Variants in INPP5A observed in about 807,000 individuals in gnomAD.
INPP5A encodes the protein 43 kDa inositol polyphosphate 5-phophatase.
Under a neutral mutation model 65.2 loss-of-function variants are expected in INPP5A, and 14 were observed. The ratio of observed to expected loss-of-function variants is 0.21; its 90% CI spans 0.14 to 0.34. The LOEUF is 0.34. INPP5A is among the 10% of genes least tolerant of loss of function. The pLI is 1.00. For synonymous variants in INPP5A, 207 were observed against 208.3 expected, an observed-to-expected ratio of 0.99 and a Z score of 0.05; for missense variants, 431 against 545.6, an observed-to-expected ratio of 0.79 and a Z score of 2.09.
chr10:132,553,793 G>A (rs373405920), intron 1 of INPP5A, among the ~76,000 whole-genome samples: 19 of 139,034 alleles, frequency 1.4e-4, no homozygotes, highest in Admixed American at 7.2e-4. Flanking sequence ...ATTGGTGAAC[G>A]CCTTCTCAGA....
intron 4 of INPP5A, among the ~76,000 whole-genome samples, chr10:132,654,968 A>T (rs2072634382): frequency 6.6e-6 from 1 of 152,236 alleles, no homozygotes; most frequent in Non-Finnish European, 1.5e-5. Context: ...ATGCTTAAAA[A>T]ATGAGGATAT....
At chr10:132,626,703 G>A (rs559037183) in intron 2 of INPP5A, among the ~76,000 whole-genome samples, 2 of 152,352 alleles carry the variant, frequency 1.3e-5, no homozygotes, top group African/African-American at 4.8e-5. Context: ...TTTACAGACA[G>A]ATTGTCAAGG....
chr10:132,696,832 A>T (rs1845352302), intron 5 of INPP5A, among the ~76,000 whole-genome samples: 1 of 152,074 alleles, frequency 6.6e-6, no homozygotes, highest in African/African-American at 2.4e-5. Flanking sequence ...GGGCCGGGCC[A>T]CACCACAGCA....
At position 132,698,611 on chromosome 10, in the gene INPP5A, G is replaced by A. The variant is rs76263715; in HGVS notation, c.474+692G>A. ...TCCCTGGCTGTGTAGTTAACCTGTCGAGGCAGCGTTTGCTGCTTTGCCCTT... is the reference window on the plus strand; with the variant it reads ...TCCCTGGCTGTGTAGTTAACCTGTCAAGGCAGCGTTTGCTGCTTTGCCCTT... On this transcript the variant is annotated intron_variant, in intron 6 of 15. Transcript: ENST00000368594. This position sits in a 1 kb window ranked among gnomAD's most constrained non-coding sequence, Gnocchi z 5.5. 1.3e-4 allele frequency among the ~76,000 whole-genome samples: 20 copies of A among 152,336 alleles called. No homozygotes were observed. The South Asian group carries it at 3.3e-3, about 25-fold the overall frequency.
intron 9 of INPP5A, among the ~76,000 whole-genome samples, chr10:132,731,118 C>T (rs529390799): frequency 5.6e-4 from 85 of 152,294 alleles, no homozygotes; most frequent in South Asian, 3.1e-3. Context: ...GCAGACGTGG[C>T]GGTCATTCAC....
Position 132,686,803 on chromosome 10 carries a change from A to G in INPP5A, c.307-3589A>G, listed in dbSNP as rs554596444. ...TTCTTTATCTGAAACAAATGAAGGG[A>G]TATCTTCTATAAAGAAGGGCTGATG... is the stretch of plus-strand genomic sequence containing the variant. On this transcript the variant is annotated intron_variant, in intron 4 of 15. Transcript: ENST00000368594. Among the ~76,000 whole-genome samples the G allele has an allele frequency of 2.6e-5, 4 of 152,334 alleles. No homozygotes were observed. In the South Asian group the frequency reaches 6.2e-4, roughly 24 times the overall value.
At chr10:132,702,653 G>T (rs1466436675) in intron 6 of INPP5A, among the ~76,000 whole-genome samples, 1 of 152,204 alleles carries the variant, frequency 6.6e-6, no homozygotes, top group East Asian at 1.9e-4. Flanking sequence ...TGTGTCCCGG[G>T]CCCTACTGCC....
chr10:132,700,356 G>A (rs956218295), intron 6 of INPP5A, among the ~76,000 whole-genome samples: 4 of 152,156 alleles, frequency 2.6e-5, no homozygotes, highest in African/African-American at 4.8e-5. Flanking sequence ...GCCCTGGGCC[G>A]AGGCCTCCCT....
At chr10:132,763,075 G>A (rs1302502964) in intron 11 of INPP5A, among the ~76,000 whole-genome samples, 5 of 152,344 alleles carry the variant, frequency 3.3e-5, no homozygotes, top group Non-Finnish European at 2.9e-5. Flanking sequence ...GTTTGGTGGT[G>A]CAGGGGAGAT....
chr10:132,735,302 C>T (rs1287543469), intron 9 of INPP5A, among the ~76,000 whole-genome samples: 1 of 152,194 alleles, frequency 6.6e-6, no homozygotes, highest in East Asian at 1.9e-4. Flanking sequence ...TTTCAGATTG[C>T]CCAGGATCAG....
chr10:132,655,363 C>T (rs1028428272), intron 4 of INPP5A, among the ~76,000 whole-genome samples: 11 of 152,198 alleles, frequency 7.2e-5, no homozygotes, highest in Non-Finnish European at 1.6e-4. Context: ...TTCTTAGCCA[C>T]CGCGGTGCAT....
At chr10:132,673,089 G>A (rs1420660580) in intron 4 of INPP5A, among the ~76,000 whole-genome samples, 1 of 152,208 alleles carries the variant, frequency 6.6e-6, no homozygotes, top group Admixed American at 6.5e-5. Context: ...TTGCAGAGTA[G>A]TAGACTGATT....
intron 11 of INPP5A, among the ~76,000 whole-genome samples, chr10:132,764,759 G>T (rs1846806414): frequency 1.5e-5 from 2 of 135,914 alleles, no homozygotes; most frequent in African/African-American, 5.8e-5. Flanking sequence ...TCCTGCTGCG[G>T]TGGGAGGGTG....
At position 132,551,606 on chromosome 10, in the gene INPP5A, G is replaced by C. The variant is rs935772429; in HGVS notation, c.75+13435G>C. ...CTTTAATTTTCTCCATCACCGTTAC[G>C]GTTTTTCAGAGCTGTTGCAACTTCC... On this transcript the variant is annotated intron_variant, in intron 1 of 15. Transcript: ENST00000368594. This position sits in a 1 kb window ranked among gnomAD's most constrained non-coding sequence, Gnocchi z 5.3. Among the ~76,000 whole-genome samples, 1 of 152,174 alleles carries C rather than the reference G, an allele frequency of 6.6e-6. No homozygotes were observed. The highest frequency in any genetic ancestry group is 1.5e-5 in the Non-Finnish European group (1 of 68,028).
In INPP5A at chr10:132,624,147, AC is replaced by A. The variant is rs111303462; in HGVS notation, c.117+16192del. ...CGTGTGGCCACCCCCTGACCCACGC[AC>A]GTTGCTCCTGCTCACCGGCTGACAT... On this transcript the variant is annotated intron_variant, in intron 2 of 15. Coordinates refer to ENST00000368594, the MANE Select transcript of INPP5A (RefSeq NM_005539.5). 2.7e-3 allele frequency among the ~76,000 whole-genome samples: 404 copies of A among 152,276 alleles called. 1 individual carries two copies. Among genetic ancestry groups the A allele is most frequent in the African/African-American group, 9.2e-3 (382 of 41,558 alleles).
Position 132,723,647 on chromosome 10 carries a change from ATGTGGGGATTGGCTG to A in INPP5A, c.648-3160_648-3146del, listed in dbSNP as rs1353323099. On this transcript the variant is annotated intron_variant, in intron 8 of 15. Coordinates refer to ENST00000368594, the MANE Select transcript of INPP5A (RefSeq NM_005539.5). The stretch of plus-strand genomic sequence containing the variant: ...GGGATTGGTTTTGTGGGGATTGGCC[ATGTGGGGATTGGCTG>A]TGTGGGGATTGGCCGTGTGGGGATT... 4.0e-5 allele frequency among the ~76,000 whole-genome samples: 4 copies of A among 100,778 alleles called. No homozygotes were observed. In the East Asian group the frequency reaches 8.2e-4, roughly 21 times the overall value. The allele number at this position is 100,778 out of a possible 152,430, so 66.1% of individuals were successfully genotyped here.
At chr10:132,752,151 G>A (rs1846497385) in intron 11 of INPP5A, among the ~76,000 whole-genome samples, 1 of 152,052 alleles carries the variant, frequency 6.6e-6, no homozygotes, top group Admixed American at 6.5e-5. Context: ...TGCCCAGGAG[G>A]GAGACAGGGC....
chr10:132,627,773 A>T lies in INPP5A; in HGVS notation c.118-18095A>T, dbSNP rs2072207124. Among the ~76,000 whole-genome samples, 1 of 152,090 alleles carries T rather than the reference A, an allele frequency of 6.6e-6. No individual in the cohort carries two copies. The highest frequency in any genetic ancestry group is 2.4e-5 in the African/African-American group (1 of 41,378). On this transcript the variant is annotated intron_variant, in intron 2 of 15. Transcript: ENST00000368594. The surrounding 1 kb of genome is among the most constrained non-coding windows in gnomAD (Gnocchi z 6.6). ...TCCTCTTCCCCGTGAAAAGCTTCAG[A>T]CTTTCTTCATCCTCAGGGTAACGGC...
chr10:132,714,383 A>G (rs1845703367), intron 8 of INPP5A, among the ~76,000 whole-genome samples: 1 of 152,192 alleles, frequency 6.6e-6, no homozygotes, highest in Non-Finnish European at 1.5e-5. Flanking sequence ...AGCAGACCAC[A>G]TTCTGCTGTG....
Sources: gnomAD v4.1 joint callset for allele counts (sites outside exome capture counted in the v4.1 genomes callset) on GRCh38, gnomAD v4.1.1 for gene constraint, Gnocchi (gnomAD v3.1) non-coding constraint, MANE v1.5 for transcripts, NCBI Gene and HGNC (gene_info 2026-07-23, HGNC 2026-07-21) for gene names.